PIAS2: variants seen among roughly 807,000 people sequenced by gnomAD.
The protein encoded by PIAS2 is E3 SUMO-protein ligase PIAS2.
In PIAS2, 19 loss-of-function variants were observed where a neutral mutation model predicts 69.7. The observed-to-expected ratio is 0.27, with a 90% CI of 0.19 to 0.40. The LOEUF (loss-of-function observed/expected upper bound fraction) is 0.40. Among genes scored for constraint, PIAS2 ranks in the 10% least tolerant of loss-of-function variants. The pLI, the probability that PIAS2 is intolerant of heterozygous loss-of-function variation, is 1.00. For missense variants in PIAS2, 624 were observed against 757.0 expected (o/e 0.82, Z 2.06); for synonymous variants, 261 against 263.2 (o/e 0.99, Z 0.08).
At chr18:46,884,664 C>T (rs1379359165) in intron 2 of PIAS2, among the ~76,000 whole-genome samples, 1 of 151,984 alleles carries the variant, frequency 6.6e-6, no homozygotes, top group Non-Finnish European at 1.5e-5. Context: ...GCCTGTAATC[C>T]CAGCACTTTG....
intron 8 of PIAS2, 199 bp downstream of exon 8, chr18:46,843,855 A>G (rs147156855): frequency 4.5e-4 from 182 of 401,072 alleles, no homozygotes; most frequent in Non-Finnish European, 6.9e-4. Flanking sequence ...GCCTAAAGCT[A>G]TCTTCCCTCT....
intron 8 of PIAS2, among the ~76,000 whole-genome samples, chr18:46,839,931 G>A (rs904158894): frequency 3.3e-5 from 5 of 151,296 alleles, no homozygotes; most frequent in African/African-American, 1.2e-4. Context: ...GGGAAGCCGA[G>A]GCGGGGGAAT....
At chr18:46,880,083 C>T (rs973844464) in intron 2 of PIAS2, among the ~76,000 whole-genome samples, 3 of 145,892 alleles carry the variant, frequency 2.1e-5, no homozygotes, top group Non-Finnish European at 3.0e-5. Context: ...ATGTATTTTA[C>T]CACAGTAAAA....
Position 46,881,349 on chromosome 18 carries a change from A to G in PIAS2, c.499+9231T>C, listed in dbSNP as rs1419139270. ...TTTTCTATTTTATTCTGATTAAATA[A>G]ATCTGATTAAATTAGAAAAACTTTG... is the stretch of plus-strand genomic sequence containing the variant. On this transcript the variant is annotated intron_variant, in intron 2 of 13. Transcript: ENST00000585916. 2.0e-5 allele frequency among the ~76,000 whole-genome samples: 3 copies of G among 152,244 alleles called. No individual in the cohort carries two copies. The East Asian group carries it at 5.8e-4, about 29-fold the overall frequency.
Position 46,807,692 on chromosome 18 carries a change from C to CG in PIAS2, c.*4740dup, listed in dbSNP as rs1568314665. ...GATTACAGGCGTGAGCCTCCATACC[C>CG]GGCCCATGTCAGATATATTTAAAAC... is the stretch of plus-strand genomic sequence containing the variant. On this transcript the variant is annotated 3_prime_UTR_variant, in exon 14 of 14. Coordinates refer to ENST00000585916, the MANE Select transcript of PIAS2 (RefSeq NM_004671.5). The CG allele has an allele frequency of 6.6e-6, 1 of 152,066 alleles. No individual in the cohort carries two copies. The highest frequency in any genetic ancestry group is 2.4e-5 in the African/African-American group (1 of 41,386). 9.4% of individuals were successfully genotyped at this position (152,066 alleles called of 1,614,324 possible).
At chr18:46,862,287 T>A (rs2048779213) in intron 3 of PIAS2, among the ~76,000 whole-genome samples, 1 of 152,110 alleles carries the variant, frequency 6.6e-6, no homozygotes, top group Non-Finnish European at 1.5e-5. Context: ...GCCAAGATCA[T>A]GCTACTGCAC....
chr18:46,855,319 A>G, intron 5 of PIAS2, 26 bp downstream of exon 5: 1 of 1,442,410 alleles, frequency 6.9e-7, no homozygotes, highest in Non-Finnish European at 9.7e-7. Context: ...CTTATATGCA[A>G]ATCTGGTGAA....
intron 1 of PIAS2, among the ~76,000 whole-genome samples, chr18:46,908,961 A>G (rs2056951342): frequency 6.6e-6 from 1 of 152,166 alleles, no homozygotes; most frequent in Non-Finnish European, 1.5e-5. Flanking sequence ...GTAAACTGAG[A>G]TCACGCCACT....
chr18:46,896,182 A>T (rs1276935102), intron 1 of PIAS2, among the ~76,000 whole-genome samples: 1 of 150,982 alleles, frequency 6.6e-6, no homozygotes, highest in African/African-American at 2.4e-5. Flanking sequence ...AAAAAAAAAA[A>T]AAATTAATTA....
At chr18:46,890,293 A>G (rs1228260702) in intron 2 of PIAS2, among the ~76,000 whole-genome samples, 1 of 152,244 alleles carries the variant, frequency 6.6e-6, no homozygotes, top group Non-Finnish European at 1.5e-5. Flanking sequence ...CATTACCAAC[A>G]TACTTAACAC....
intron 2 of PIAS2, among the ~76,000 whole-genome samples, chr18:46,883,325 A>G (rs1023270202): frequency 5.3e-5 from 8 of 152,346 alleles, no homozygotes; most frequent in African/African-American, 9.6e-5. Flanking sequence ...GGTATTTCAC[A>G]TAACACCAGC....
At chr18:46,824,548 T>C (rs2042579242) in intron 11 of PIAS2, among the ~76,000 whole-genome samples, 1 of 152,186 alleles carries the variant, frequency 6.6e-6, no homozygotes, top group African/African-American at 2.4e-5. Context: ...TAAGACTGCA[T>C]TTAAAGACTC....
In PIAS2 at chr18:46,810,408, T is replaced by A. The variant is rs2040922630; in HGVS notation, c.*2025A>T. ...CACAAACCAAGTTAAGTTTTTTCTA[T>A]CTGATTACAGAGTCAATAAATATTG... On this transcript the variant is annotated 3_prime_UTR_variant, in exon 14 of 14. Transcript: ENST00000585916. 1 of 152,178 alleles carries A rather than the reference T, an allele frequency of 6.6e-6. No individual in the cohort carries two copies. The highest frequency in any genetic ancestry group is 1.5e-5 in the Non-Finnish European group (1 of 68,040). 9.4% of individuals were successfully genotyped at this position (152,178 alleles called of 1,614,324 possible).
chr18:46,835,750 T>C (rs2044335049), intron 9 of PIAS2, among the ~76,000 whole-genome samples: 1 of 152,330 alleles, frequency 6.6e-6, no homozygotes, highest in Admixed American at 6.5e-5. Flanking sequence ...CATAGGATGG[T>C]ACTGCTAATT....
intron 1 of PIAS2, among the ~76,000 whole-genome samples, chr18:46,905,507 G>A (rs1468520299): frequency 1.3e-5 from 2 of 151,696 alleles, no homozygotes; most frequent in African/African-American, 2.4e-5. Context: ...GAAACAGGAA[G>A]GATACACTAA....
At chr18:46,816,167 A>G in intron 12 of PIAS2, 1 of 985,252 alleles carries the variant, frequency 1.0e-6, no homozygotes, top group South Asian at 4.7e-5. Flanking sequence ...AGACAGGCCA[A>G]TTTCTATTCA....
chr18:46,823,364 A>G (rs1219560924), intron 11 of PIAS2, among the ~76,000 whole-genome samples: 1 of 151,916 alleles, frequency 6.6e-6, no homozygotes, highest in East Asian at 1.9e-4. Flanking sequence ...TTGCTATTTC[A>G]CACTGGAGAT....
intron 2 of PIAS2, among the ~76,000 whole-genome samples, chr18:46,877,049 T>C (rs543991392): frequency 6.6e-6 from 1 of 152,208 alleles, no homozygotes; most frequent in Non-Finnish European, 1.5e-5. Flanking sequence ...AAAGGACTTA[T>C]GTCCTCAATC....
chr18:46,829,703 G>A (rs1269927610), intron 10 of PIAS2, 31 bp downstream of exon 10: 3 of 1,598,750 alleles, frequency 1.9e-6, no homozygotes, highest in Middle Eastern at 1.7e-4. Flanking sequence ...GAGTCTCACT[G>A]CTTTACTCTC....
Sources: gnomAD v4.1 joint callset for allele counts (sites outside exome capture counted in the v4.1 genomes callset) on GRCh38, gnomAD v4.1.1 for gene constraint, MANE v1.5 for transcripts, NCBI Gene and HGNC (gene_info 2026-07-23, HGNC 2026-07-21) for gene names.